OOSP4A: variants seen among roughly 807,000 people sequenced by gnomAD.
OOSP4A encodes oocyte secreted protein family member 4A.
intron 2 of OOSP4A, 92 bp from the exon 3 acceptor site, chr11:59,966,975 T>G (rs1347773311): frequency 4.4e-5 from 17 of 390,612 alleles, no homozygotes; most frequent in Non-Finnish European, 7.2e-5. Context: ...AAAGTAAAAA[T>G]TATTTTGTTT....
intron 1 of OOSP4A, among the ~76,000 whole-genome samples, 175 bp downstream of exon 1, chr11:59,964,274 T>C (rs1438824616): frequency 1.3e-5 from 2 of 151,804 alleles, no homozygotes; most frequent in Admixed American, 6.6e-5. Flanking sequence ...TCTTTACCCC[T>C]GTACTTCCTC....
chr11:59,968,964 T>A (rs1179438221), intron 3 of OOSP4A, among the ~76,000 whole-genome samples, 186 bp from the exon 4 acceptor site: 1 of 152,238 alleles, frequency 6.6e-6, no homozygotes, highest in Non-Finnish European at 1.5e-5. Context: ...TGCAACCATC[T>A]GTGAATTTTT....
chr11:59,969,036 C>T (rs529807010), intron 3 of OOSP4A, 114 bp from the exon 4 acceptor site: 1 of 394,882 alleles, frequency 2.5e-6, no homozygotes, highest in Non-Finnish European at 4.5e-6. Context: ...TTGGCATTCT[C>T]TCACAGCTGG....
chr11:59,967,351 A>G (rs1854111165), intron 3 of OOSP4A, among the ~76,000 whole-genome samples, 187 bp downstream of exon 3: 1 of 152,222 alleles, frequency 6.6e-6, no homozygotes, highest in Non-Finnish European at 1.5e-5. Flanking sequence ...TTTCCGCATG[A>G]GTAGATGAGG....
intron 1 of OOSP4A, among the ~76,000 whole-genome samples, chr11:59,965,067 C>T (rs1854083808): frequency 6.8e-6 from 1 of 146,570 alleles, no homozygotes; most frequent in South Asian, 2.1e-4. Flanking sequence ...TGCATGTTCT[C>T]ACTCATAGGT....
At chr11:59,966,181 G>A (rs527602546) in intron 2 of OOSP4A, among the ~76,000 whole-genome samples, 141 of 135,172 alleles carry the variant, frequency 1.0e-3, no homozygotes, top group African/African-American at 3.6e-3. Flanking sequence ...TTTTTTTTTT[G>A]CTTTATGTTA....
At chr11:59,966,103 T>C (rs776312651) in intron 2 of OOSP4A, among the ~76,000 whole-genome samples, 5 of 152,076 alleles carry the variant, frequency 3.3e-5, no homozygotes, top group Non-Finnish European at 5.9e-5. Context: ...GAAAATGGGG[T>C]ATATCAGTTT....
At chr11:59,967,706 A>G (rs527755) in intron 3 of OOSP4A, among the ~76,000 whole-genome samples, 1 of 151,902 alleles carries the variant, frequency 6.6e-6, no homozygotes, top group Non-Finnish European at 1.5e-5. Context: ...GCTAATGACC[A>G]AAATTCTCTC....
chr11:59,970,029 T>C lies in OOSP4A; in HGVS notation c.480-20T>C, dbSNP rs1408526987. 2.5e-6 allele frequency: 1 copy of C among 397,918 alleles called. No homozygotes were observed. The highest frequency in any genetic ancestry group is 4.4e-5 in the Admixed American group (1 of 22,698). 24.6% of individuals were successfully genotyped at this position (397,918 alleles called of 1,614,324 possible). A position where few individuals can be genotyped will look rare whatever the true frequency, so the allele number is the denominator to read the frequency against. On this transcript the variant is annotated intron_variant, in intron 4 of 4. Coordinates refer to ENST00000645590, the Ensembl canonical transcript of OOSP4A. ...TCCCATCAGTACAACAATGTAACTG[T>C]TTCTTTTCCGTCCTTACAGGAACAG...
At chr11:59,965,977 TTTG>T (rs547388889) in intron 2 of OOSP4A, among the ~76,000 whole-genome samples, 14 of 152,224 alleles carry the variant, frequency 9.2e-5, no homozygotes, top group South Asian at 2.1e-4. Context: ...TAGTGTTTTT[TTTG>T]TTGTTGTTGT....
intron 3 of OOSP4A, among the ~76,000 whole-genome samples, chr11:59,967,375 T>C (rs1397680362): frequency 6.6e-6 from 1 of 152,204 alleles, no homozygotes; most frequent in East Asian, 1.9e-4. Context: ...AGTTGTTATA[T>C]GAGAATTGAA....
chr11:59,967,743 A>G (rs1216361417), intron 3 of OOSP4A, among the ~76,000 whole-genome samples: 2 of 151,948 alleles, frequency 1.3e-5, no homozygotes, highest in African/African-American at 4.8e-5. Flanking sequence ...TTCTGCAATG[A>G]GAGAGTAAAG....
At chr11:59,964,727 C>T (rs1438947903) in intron 1 of OOSP4A, among the ~76,000 whole-genome samples, 1 of 152,066 alleles carries the variant, frequency 6.6e-6, no homozygotes, top group Non-Finnish European at 1.5e-5. Context: ...TCAAAATTAT[C>T]ATCGGAGTAA....
chr11:59,965,475 C>G (rs930731448), intron 1 of OOSP4A, 60 bp from the exon 2 acceptor site: 5 of 397,762 alleles, frequency 1.3e-5, no homozygotes, highest in African/African-American at 1.0e-4. Flanking sequence ...TTCCTGAGTT[C>G]TTTGTTTGGG....
chr11:59,969,764 G>A (rs958724692), intron 4 of OOSP4A, among the ~76,000 whole-genome samples: 1 of 152,188 alleles, frequency 6.6e-6, no homozygotes. Flanking sequence ...CGTATCAACC[G>A]ACCCTCATAA....
chr11:59,967,131 A>G (rs1854109482), exon 3 of OOSP4A: 2 of 398,082 alleles, frequency 5.0e-6, no homozygotes, highest in African/African-American at 2.1e-5. Context: ...TTTGACTTCA[A>G]TTTACACATC....
chr11:59,968,710 G>A (rs985287754), intron 3 of OOSP4A, among the ~76,000 whole-genome samples: 4 of 152,212 alleles, frequency 2.6e-5, no homozygotes, highest in Non-Finnish European at 5.9e-5. Context: ...TGTTGGAGAA[G>A]CTGATAGAAA....
At chr11:59,967,261 TG>T (rs1854110558) in intron 3 of OOSP4A, 97 bp downstream of exon 3, 2 of 393,568 alleles carry the variant, frequency 5.1e-6, no homozygotes, top group Non-Finnish European at 9.0e-6. Context: ...ATGCTAAGGT[TG>T]GACATTGGAT....
chr11:59,967,147 A>G (rs1331291209), exon 3 of OOSP4A: 1 of 398,046 alleles, frequency 2.5e-6, no homozygotes, highest in African/African-American at 2.1e-5. Context: ...ACATCCCAGT[A>G]TCATGCTATG....
Sources: gnomAD v4.1 joint callset for allele counts (sites outside exome capture counted in the v4.1 genomes callset) on GRCh38, gnomAD v4.1.1 for gene constraint, MANE v1.5 for transcripts, NCBI Gene and HGNC (gene_info 2026-07-23, HGNC 2026-07-21) for gene names.